Variants in GALNT10 observed in about 807,000 individuals in gnomAD.
GALNT10 encodes the protein polypeptide N-acetylgalactosaminyltransferase 10, also known as GalNAc transferase 10.
A neutral mutation model predicts 75.0 loss-of-function variants in GALNT10; 41 were observed. That is an observed-to-expected ratio of 0.55 (90% CI 0.43 to 0.71). The LOEUF is 0.71. Among genes scored for constraint, GALNT10 ranks in the 30% least tolerant of loss-of-function variants. GALNT10 has a pLI of 0.00. For synonymous variants in GALNT10, 302 were observed against 313.0 expected (o/e 0.96, Z 0.37); for missense variants, 727 against 818.5 (o/e 0.89, Z 1.36).
At chr5:154,265,410 G>A (rs1370236892) in intron 1 of GALNT10, among the ~76,000 whole-genome samples, 4 of 152,236 alleles carry the variant, frequency 2.6e-5, no homozygotes, top group Middle Eastern at 3.4e-3. Context: ...ACACCTCATG[G>A]CTACCCAGGA....
intron 1 of GALNT10, among the ~76,000 whole-genome samples, chr5:154,210,816 A>G (rs1775185295): frequency 6.6e-6 from 1 of 152,262 alleles, no homozygotes; most frequent in Admixed American, 6.5e-5. Context: ...AGATTAGATA[A>G]TAGTATTTTA....
At chr5:154,251,853 T>C (rs540240312) in intron 1 of GALNT10, among the ~76,000 whole-genome samples, 45 of 152,318 alleles carry the variant, frequency 3.0e-4, no homozygotes, top group African/African-American at 1.0e-3. Context: ...GCTACTGGGC[T>C]TGTTTCTTGC....
chr5:154,415,800 G>C lies in GALNT10; in HGVS notation c.1521G>C (p.Trp507Cys), dbSNP rs1263911922. 6.2e-7 allele frequency: 1 copy of C among 1,614,108 alleles called. No homozygotes were observed. The highest frequency in any genetic ancestry group is 8.5e-7 in the Non-Finnish European group (1 of 1,179,984). The change falls in exon 11 of 12, where the codon TGG (tryptophan) becomes TGC (cysteine). Residue 507 changes from tryptophan to cysteine, a missense_variant. Trp to Cys is a radical substitution (Grantham distance 215). Transcript: ENST00000297107. ...GTGCACAGGTATTCACCTTCACCTG[G>C]AGAGAGGACATCCGGCCTGGAGACC... The part of the protein sequence containing the change: ...WNNMQVFTFT[W>C]REDIRPGDPQ...
chr5:154,201,672 T>C (rs189496301), intron 1 of GALNT10, among the ~76,000 whole-genome samples: 4 of 152,304 alleles, frequency 2.6e-5, no homozygotes, highest in Admixed American at 2.6e-4. Context: ...GGCTCTCACC[T>C]GTAATCCCAG....
At chr5:154,210,292 C>G (rs1246395969) in intron 1 of GALNT10, among the ~76,000 whole-genome samples, 2 of 152,188 alleles carry the variant, frequency 1.3e-5, no homozygotes, top group African/African-American at 4.8e-5. Context: ...GCACATGTCA[C>G]TCTCATTACA....
At chr5:154,415,229 T>A (rs1433125484) in intron 10 of GALNT10, among the ~76,000 whole-genome samples, 3 of 152,218 alleles carry the variant, frequency 2.0e-5, no homozygotes, top group African/African-American at 7.2e-5. Flanking sequence ...TGGCACTTAC[T>A]GAAGTGTTTA....
intron 1 of GALNT10, among the ~76,000 whole-genome samples, chr5:154,291,357 G>C (rs1486541310): frequency 6.6e-6 from 1 of 151,934 alleles, no homozygotes; most frequent in African/African-American, 2.4e-5. Context: ...GTCTTTTTTG[G>C]CCCAGCAGCG....
At chr5:154,385,197 A>C (rs1470035083) in intron 6 of GALNT10, among the ~76,000 whole-genome samples, 1 of 152,196 alleles carries the variant, frequency 6.6e-6, no homozygotes. Flanking sequence ...GCATCCAGAC[A>C]AGGATGCAGC....
intron 7 of GALNT10, among the ~76,000 whole-genome samples, chr5:154,390,960 G>A (rs1582006722): frequency 6.6e-6 from 1 of 152,176 alleles, no homozygotes. Context: ...AATTATGTCC[G>A]TCACTCTCCA....
At chr5:154,261,574 T>C (rs763091503) in intron 1 of GALNT10, among the ~76,000 whole-genome samples, 3 of 152,262 alleles carry the variant, frequency 2.0e-5, no homozygotes, top group Non-Finnish European at 4.4e-5. Flanking sequence ...AGGTGAGAGT[T>C]TTATTCCTAC....
chr5:154,340,311 T>G (rs1245481402), intron 4 of GALNT10, among the ~76,000 whole-genome samples: 1 of 152,210 alleles, frequency 6.6e-6, no homozygotes, highest in Non-Finnish European at 1.5e-5. Context: ...CCAGGCACTG[T>G]TGTAAGCGAC....
chr5:154,294,976 TTGTGTGTG>T (rs70978534), intron 2 of GALNT10, 58 bp downstream of exon 2: 8,555 of 607,988 alleles, frequency 0.014, 250 homozygotes, highest in African/African-American at 0.11. Flanking sequence ...GCACATATGC[TTGTGTGTG>T]TGTGTGTGTG....
At chr5:154,310,247 A>G (rs1031617460) in intron 3 of GALNT10, among the ~76,000 whole-genome samples, 1 of 152,158 alleles carries the variant, frequency 6.6e-6, no homozygotes, top group African/African-American at 2.4e-5. Flanking sequence ...TGACACCTTT[A>G]TAATGGAGTA....
intron 4 of GALNT10, among the ~76,000 whole-genome samples, chr5:154,373,992 G>T (rs1461095961): frequency 6.6e-6 from 1 of 152,164 alleles, no homozygotes; most frequent in Non-Finnish European, 1.5e-5. Context: ...CATTCTCGTT[G>T]TAATGACCTA....
At chr5:154,202,075 A>G (rs1775035841) in intron 1 of GALNT10, among the ~76,000 whole-genome samples, 1 of 152,242 alleles carries the variant, frequency 6.6e-6, no homozygotes, top group Admixed American at 6.5e-5. Flanking sequence ...GAGTGAAGAC[A>G]GGTTTCCCAG....
chr5:154,197,011 C>A (rs567472746), intron 1 of GALNT10, among the ~76,000 whole-genome samples: 1 of 152,000 alleles, frequency 6.6e-6, no homozygotes, highest in African/African-American at 2.4e-5. Context: ...AACCCCTTTG[C>A]CACCCTGGAC....
rs879558000 is a variant in GALNT10 at position 154,361,044 on chromosome 5, GGAC to G, written c.569-15232_569-15230del. On this transcript the variant is annotated intron_variant, in intron 4 of 11. Transcript: ENST00000297107. ...GATTTATCATTAGAGAGAATATATG[GGAC>G]TCTTAATTCCCTGTGTACTCAGATG... Among the ~76,000 whole-genome samples, 1,264 of 151,790 alleles carry G rather than the reference GGAC, an allele frequency of 8.3e-3. 9 individuals carry two copies. The highest frequency in any genetic ancestry group is 0.029 in the African/African-American group (1,208 of 41,378).
At chr5:154,211,375 C>T (rs1004719295) in intron 1 of GALNT10, among the ~76,000 whole-genome samples, 3 of 152,082 alleles carry the variant, frequency 2.0e-5, no homozygotes, top group Non-Finnish European at 4.4e-5. Flanking sequence ...GATTTTTGAC[C>T]AAAAGTCTGA....
intron 3 of GALNT10, among the ~76,000 whole-genome samples, chr5:154,317,736 C>T (rs1754615519): frequency 6.6e-6 from 1 of 152,104 alleles, no homozygotes; most frequent in African/African-American, 2.4e-5. Context: ...TTGTAAATGA[C>T]AAAAAACCTA....
Sources: allele counts gnomAD v4.1 joint callset (sites outside exome capture counted in the v4.1 genomes callset), GRCh38; gene constraint gnomAD v4.1.1; transcripts MANE v1.5; gene names NCBI Gene and HGNC (gene_info 2026-07-23, HGNC 2026-07-21).